Variants in BBS12 observed in about 807,000 individuals in gnomAD.
The protein encoded by BBS12 is Bardet-Biedl syndrome 12.
A neutral mutation model predicts 5.6 loss-of-function variants in BBS12; 5 were observed. That is an observed-to-expected ratio of 0.89 (90% confidence interval 0.46 to 1.86). The LOEUF is 1.86. Ranked by LOEUF, BBS12 falls within the 40% of genes most tolerant of loss-of-function variation. The pLI, the probability that BBS12 is intolerant of heterozygous loss-of-function variation, is 0.01. For synonymous variants in BBS12, 308 were observed against 306.8 expected (o/e 1.00, Z -0.04); for missense variants, 748 against 830.4 (o/e 0.90, Z 1.22).
At chr4:122,708,594 A>AT in the BBS12 span, among the ~76,000 whole-genome samples, 1 of 152,134 alleles carries the variant, frequency 6.6e-6, no homozygotes, top group East Asian at 1.9e-4. Flanking sequence ...TCATAGTAAA[A>AT]TTTTTTTAAA....
chr4:122,710,480 T>A, the BBS12 span, among the ~76,000 whole-genome samples: 2 of 152,196 alleles, frequency 1.3e-5, no homozygotes, highest in Non-Finnish European at 2.9e-5. Flanking sequence ...GAGAGCCCCA[T>A]AAATGTAAGG....
the BBS12 span, among the ~76,000 whole-genome samples, chr4:122,727,408 C>A: frequency 2.0e-5 from 3 of 151,758 alleles, no homozygotes; most frequent in Non-Finnish European, 4.4e-5. Flanking sequence ...CCATGTCCAG[C>A]AAATATTTTT....
chr4:122,735,415 G>A (rs555011903), intron 1 of BBS12, among the ~76,000 whole-genome samples: 11 of 152,144 alleles, frequency 7.2e-5, no homozygotes, highest in Admixed American at 7.2e-4. Context: ...TCTTTTTTAA[G>A]ATAAATAGAT....
At chr4:122,709,428 A>T in the BBS12 span, among the ~76,000 whole-genome samples, 1 of 152,184 alleles carries the variant, frequency 6.6e-6, no homozygotes, top group African/African-American at 2.4e-5. Context: ...ATGTTGCAAT[A>T]ATACAAATTA....
In BBS12 at chr4:122,742,049, A is replaced by C. The variant is rs1408157535; in HGVS notation, c.157A>C (p.Thr53Pro). The change falls in exon 2 of 2, where the codon ACA (threonine) becomes CCA (proline). Residue 53 changes from threonine (T) to proline (P), a missense_variant. Thr to Pro is a conservative substitution (Grantham distance 38). Coordinates refer to ENST00000314218, the MANE Select transcript of BBS12 (RefSeq NM_152618.3). The part of the protein sequence containing the change: ...ECHESVLISS[T>P]VRLLESLDLT... The stretch of plus-strand genomic sequence containing the variant: ...TCATGAAAGTGTATTAATCAGTTCA[A>C]CAGTAAGGCTTCTTGAAAGTTTGGA... The C allele has an allele frequency of 1.2e-6, 2 of 1,614,068 alleles. No individual in the cohort carries two copies. The highest frequency in any genetic ancestry group is 4.5e-5 in the East Asian group (2 of 44,880).
In BBS12 at chr4:122,741,921, AAAG is replaced by A. The variant is rs752885483; in HGVS notation, c.34_36del (p.Arg12del). 22 of 1,614,146 alleles carry A rather than the reference AAAG, an allele frequency of 1.4e-5. No homozygotes were observed. The highest frequency in any genetic ancestry group is 1.6e-5 in the Non-Finnish European group (19 of 1,180,026). ...GTGATGGCTTGCAGAGTCGTAAACA[AAAG>A]AAGACACATGGGACTTCAACAACTT... On this transcript the variant is annotated inframe_deletion, in exon 2 of 2. Transcript: ENST00000314218.
chr4:122,742,854 C>G lies in BBS12; in HGVS notation c.962C>G (p.Pro321Arg). 1 of 1,614,168 alleles carries G rather than the reference C, an allele frequency of 6.2e-7. No homozygotes were observed. The highest frequency in any genetic ancestry group is 8.5e-7 in the Non-Finnish European group (1 of 1,180,026). ...TCAAGAATTTTCACTTGCTGTCTAC[C>G]AGGCTTACCTGAAACTTCTTCTTGT... ...DISRIFTCCL[P>R]GLPETSSCVC... is the part of the protein sequence containing the mutation. Residue 321 changes from proline to arginine, a missense_variant, in exon 2 of 2, where the codon CCA becomes CGA. By Grantham distance (103) the Pro-to-Arg change is moderately radical (BLOSUM62 -2). Coordinates refer to ENST00000314218, the MANE Select transcript of BBS12 (RefSeq NM_152618.3).
intron 1 of BBS12, among the ~76,000 whole-genome samples, chr4:122,739,212 A>G (rs1167206014): frequency 6.6e-6 from 1 of 152,212 alleles, no homozygotes; most frequent in African/African-American, 2.4e-5. Flanking sequence ...GAAAGAATAA[A>G]TAAGTATTGT....
the BBS12 span, among the ~76,000 whole-genome samples, chr4:122,714,674 G>A: frequency 1.3e-5 from 2 of 151,656 alleles, no homozygotes; most frequent in Non-Finnish European, 2.9e-5. Context: ...GTATAAACAA[G>A]CTAACTTCCT....
chr4:122,717,073 T>C, the BBS12 span, among the ~76,000 whole-genome samples: 1 of 152,192 alleles, frequency 6.6e-6, no homozygotes, highest in Non-Finnish European at 1.5e-5. Context: ...CAACCCCTAT[T>C]CCAGTGGGTA....
At chr4:122,738,164 A>G (rs991855259) in intron 1 of BBS12, among the ~76,000 whole-genome samples, 2 of 152,232 alleles carry the variant, frequency 1.3e-5, no homozygotes, top group Non-Finnish European at 2.9e-5. Context: ...AAAAATAGGT[A>G]AATTAGATTT....
At chr4:122,733,516 T>C (rs1237164399) in intron 1 of BBS12, among the ~76,000 whole-genome samples, 1 of 152,148 alleles carries the variant, frequency 6.6e-6, no homozygotes, top group African/African-American at 2.4e-5. Flanking sequence ...ACAGGTAGTC[T>C]GATTATCCAG....
At chr4:122,705,998 T>C in the BBS12 span, among the ~76,000 whole-genome samples, 3 of 152,196 alleles carry the variant, frequency 2.0e-5, no homozygotes, top group Non-Finnish European at 4.4e-5. Context: ...TGCTTTCTCT[T>C]CCTTGTTTGC....
At chr4:122,720,199 C>A in the BBS12 span, among the ~76,000 whole-genome samples, 2 of 152,066 alleles carry the variant, frequency 1.3e-5, no homozygotes, top group Admixed American at 6.5e-5. Flanking sequence ...GCCTGAAATC[C>A]CAGCACTTTG....
the BBS12 span, among the ~76,000 whole-genome samples, chr4:122,714,280 A>T: frequency 6.6e-6 from 1 of 152,152 alleles, no homozygotes; most frequent in African/African-American, 2.4e-5. Context: ...TGGTACCTTG[A>T]TCTCAGACTT....
chr4:122,722,084 A>G, the BBS12 span, among the ~76,000 whole-genome samples: 5 of 152,028 alleles, frequency 3.3e-5, 1 homozygote, highest in East Asian at 1.9e-4. Flanking sequence ...TAAATCCACA[A>G]TCCTCTAGAA....
chr4:122,728,463 C>G (rs553108182), upstream of BBS12: 8 of 152,190 alleles, frequency 5.3e-5, no homozygotes, highest in Non-Finnish European at 1.0e-4. Context: ...TATGAATATG[C>G]ATTCTCTGTA....
At chr4:122,714,103 G>A in the BBS12 span, among the ~76,000 whole-genome samples, 1 of 152,052 alleles carries the variant, frequency 6.6e-6, no homozygotes, top group African/African-American at 2.4e-5. Flanking sequence ...AGATATTTAA[G>A]GTTAAATGTA....
chr4:122,740,144 G>A (rs1046127934), intron 1 of BBS12, among the ~76,000 whole-genome samples: 3 of 152,110 alleles, frequency 2.0e-5, no homozygotes, highest in Non-Finnish European at 2.9e-5. Flanking sequence ...ATGGTGGCAT[G>A]CACTTGTAGT....
Sources: allele counts gnomAD v4.1 joint callset (sites outside exome capture counted in the v4.1 genomes callset), GRCh38; gene constraint gnomAD v4.1.1; transcripts MANE v1.5; gene names NCBI Gene and HGNC (gene_info 2026-07-23, HGNC 2026-07-21).